The following CDH13 variants were observed in gnomAD, a reference collection of about 807,000 sequenced individuals.
The protein encoded by CDH13 is cadherin 13.
In CDH13, 24 loss-of-function variants were observed where a neutral mutation model predicts 63.8. The ratio of observed to expected loss-of-function variants is 0.38; its 90% CI spans 0.27 to 0.53. CDH13 has a LOEUF of 0.53. Among genes scored for constraint, CDH13 ranks in the 20% least tolerant of loss-of-function variants. CDH13 has a pLI of 0.85. For missense variants in CDH13, 1,049 were observed against 903.1 expected (o/e 1.16, Z -2.07); for synonymous variants, 503 against 355.3 (o/e 1.42, Z -4.67).
intron 5 of CDH13, among the ~76,000 whole-genome samples, chr16:83,301,024 G>GGTTTTT (rs1412742656): frequency 1.9e-5 from 1 of 53,946 alleles, no homozygotes; most frequent in African/African-American, 6.7e-5. Flanking sequence ...AACTTTCTGG[G>GGTTTTT]GTTTTTTTTT....
At chr16:83,743,263 T>G (rs1317494876) in intron 10 of CDH13, among the ~76,000 whole-genome samples, 1 of 152,024 alleles carries the variant, frequency 6.6e-6, no homozygotes, top group Non-Finnish European at 1.5e-5. Flanking sequence ...CTGTGAAAAC[T>G]CAGTTAAATA....
chr16:83,715,501 C>T (rs1242759760), intron 10 of CDH13, among the ~76,000 whole-genome samples: 1 of 152,180 alleles, frequency 6.6e-6, no homozygotes, highest in Admixed American at 6.5e-5. Context: ...AAGTCTCCTT[C>T]CTGGCAGCAG....
chr16:82,717,414 C>T (rs890193928), intron 1 of CDH13, among the ~76,000 whole-genome samples: 14 of 133,388 alleles, frequency 1.0e-4, no homozygotes, highest in Non-Finnish European at 1.7e-4. Context: ...CCAGCCTGGG[C>T]GACAGAGTGA....
At chr16:82,689,365 C>A (rs1915406948) in intron 1 of CDH13, among the ~76,000 whole-genome samples, 2 of 152,128 alleles carry the variant, frequency 1.3e-5, no homozygotes, top group Admixed American at 1.3e-4. Context: ...TCCACTCTTA[C>A]AGAAAGCCAA....
chr16:83,524,085 A>C (rs1337027977), intron 7 of CDH13, among the ~76,000 whole-genome samples: 1 of 152,244 alleles, frequency 6.6e-6, no homozygotes, highest in Non-Finnish European at 1.5e-5. Context: ...TTAGTGAAAC[A>C]GAACCCCGAA....
chr16:83,750,975 TTA>T (rs1913031787), intron 11 of CDH13, among the ~76,000 whole-genome samples: 1 of 22,952 alleles, frequency 4.4e-5, no homozygotes, highest in Non-Finnish European at 2.2e-4. Flanking sequence ...ACTTAACTAT[TTA>T]AAAAAAAAAA....
intron 8 of CDH13, among the ~76,000 whole-genome samples, chr16:83,645,129 A>T (rs1367120892): frequency 2.6e-5 from 4 of 152,220 alleles, no homozygotes; most frequent in African/African-American, 9.6e-5. Flanking sequence ...CACAATAGCA[A>T]GGTCATGGAA....
chr16:83,274,194 C>T (rs2088913141), intron 5 of CDH13, among the ~76,000 whole-genome samples: 1 of 152,180 alleles, frequency 6.6e-6, no homozygotes, highest in South Asian at 2.1e-4. Context: ...TCAGTGACAA[C>T]CATTCTGCTG....
At chr16:83,265,167 A>G (rs1000209844) in intron 5 of CDH13, among the ~76,000 whole-genome samples, 1 of 152,034 alleles carries the variant, frequency 6.6e-6, no homozygotes, top group African/African-American at 2.4e-5. Context: ...TTTTCTTGGA[A>G]TTCTCTGTAT....
At position 83,387,860 on chromosome 16, in the gene CDH13, G is replaced by T. The variant is rs558996336; in HGVS notation, c.781+42854G>T. Among the ~76,000 whole-genome samples the T allele has an allele frequency of 3.9e-5, 6 of 152,326 alleles. No individual in the cohort carries two copies. The South Asian group carries it at 1.2e-3, about 32-fold the overall frequency. On this transcript the variant is annotated intron_variant, in intron 6 of 13. Coordinates refer to ENST00000567109, the MANE Select transcript of CDH13 (RefSeq NM_001257.5). ...TTGGTTTGCAGTGTTTACACAGCAT[G>T]TCCAAGTGCTAGTTTGAGTTAATTT...
At chr16:83,282,452 C>G (rs1027287497) in intron 5 of CDH13, among the ~76,000 whole-genome samples, 1 of 152,072 alleles carries the variant, frequency 6.6e-6, no homozygotes, top group Non-Finnish European at 1.5e-5. Flanking sequence ...ATAGGAGAAG[C>G]TAAAAATGTA....
intron 9 of CDH13, among the ~76,000 whole-genome samples, chr16:83,673,763 A>C (rs1441624860): frequency 1.3e-5 from 2 of 152,168 alleles, no homozygotes; most frequent in Non-Finnish European, 2.9e-5. Flanking sequence ...TCAGAATATG[A>C]GAGAGAGGTG....
intron 6 of CDH13, among the ~76,000 whole-genome samples, chr16:83,475,737 A>G (rs1487979383): frequency 6.6e-6 from 1 of 152,006 alleles, no homozygotes; most frequent in Non-Finnish European, 1.5e-5. Flanking sequence ...ACATGCCACC[A>G]CGTTTGGCTA....
intron 7 of CDH13, among the ~76,000 whole-genome samples, chr16:83,514,783 A>G (rs970653741): frequency 1.3e-5 from 2 of 152,232 alleles, no homozygotes; most frequent in African/African-American, 4.8e-5. Context: ...GCAAACAACT[A>G]GAAGCTAGGA....
chr16:82,858,080 T>C lies in CDH13; in HGVS notation c.46-282T>C, dbSNP rs183381561. 3.3e-5 allele frequency among the ~76,000 whole-genome samples: 5 copies of C among 152,354 alleles called. No homozygotes were observed. In the East Asian group the frequency reaches 9.6e-4, roughly 29 times the overall value. On this transcript the variant is annotated intron_variant, in intron 1 of 13. Coordinates refer to ENST00000567109, the MANE Select transcript of CDH13 (RefSeq NM_001257.5). Reference sequence around the variant, plus strand: ...AGTTTCTGTAATAAAATTTCACACATGGAAACCATGGTGAGAATCTTAGCA... The same window carrying C: ...AGTTTCTGTAATAAAATTTCACACACGGAAACCATGGTGAGAATCTTAGCA...
At chr16:83,254,607 C>T (rs562189146) in intron 5 of CDH13, among the ~76,000 whole-genome samples, 7 of 152,274 alleles carry the variant, frequency 4.6e-5, no homozygotes, top group African/African-American at 1.2e-4. Flanking sequence ...TTTTTATCTG[C>T]TTGTACTTCT....
At chr16:82,830,109 G>A (rs936074442) in intron 1 of CDH13, among the ~76,000 whole-genome samples, 1 of 152,108 alleles carries the variant, frequency 6.6e-6, no homozygotes, top group African/African-American at 2.4e-5. Context: ...CCCCAGATGA[G>A]GGAGCAAAGT....
chr16:83,497,187 T>C (rs913018566), intron 7 of CDH13, among the ~76,000 whole-genome samples: 10 of 152,232 alleles, frequency 6.6e-5, no homozygotes, highest in African/African-American at 2.2e-4. Context: ...CTATAAATCA[T>C]GCTGCTATAA....
chr16:83,451,495 C>T (rs181096470), intron 6 of CDH13, among the ~76,000 whole-genome samples: 1 of 152,248 alleles, frequency 6.6e-6, no homozygotes, highest in East Asian at 1.9e-4. Context: ...CACAGCCAAA[C>T]CATACCACTC....
Sources: allele counts gnomAD v4.1 joint callset (sites outside exome capture counted in the v4.1 genomes callset), GRCh38; gene constraint gnomAD v4.1.1; transcripts MANE v1.5; gene names NCBI Gene and HGNC (gene_info 2026-07-23, HGNC 2026-07-21).